Variants in PLCB1 observed in about 807,000 individuals in gnomAD.
The protein encoded by PLCB1 is 1-phosphatidylinositol 4,5-bisphosphate phosphodiesterase beta-1.
A neutral mutation model predicts 161.8 loss-of-function variants in PLCB1; 46 were observed. The ratio of observed to expected loss-of-function variants is 0.28; its 90% CI spans 0.22 to 0.36. The LOEUF (loss-of-function observed/expected upper bound fraction) is 0.36, where lower values mean the gene tolerates loss of function less well. Among genes scored for constraint, PLCB1 ranks in the 10% least tolerant of loss-of-function variants. The pLI, the probability that PLCB1 is intolerant of heterozygous loss-of-function variation, is 1.00. For missense variants in PLCB1, 1,016 were observed against 1,472.5 expected (o/e 0.69, Z 5.07); for synonymous variants, 517 against 503.7 (o/e 1.03, Z -0.35).
chr20:8,757,271 C>A, intron 24 of PLCB1, 93 bp downstream of exon 24: 1 of 1,322,490 alleles, frequency 7.6e-7, no homozygotes, highest in Non-Finnish European at 1.0e-6. Context: ...GTAGCTAAAG[C>A]ATCAAGTGGG....
chr20:8,281,544 G>C (rs531507944), intron 2 of PLCB1, among the ~76,000 whole-genome samples: 1 of 151,770 alleles, frequency 6.6e-6, no homozygotes, highest in Non-Finnish European at 1.5e-5. Context: ...AAAGAACAAC[G>C]ATCTATATAA....
chr20:8,825,289 G>A (rs1985638285), intron 31 of PLCB1, among the ~76,000 whole-genome samples: 1 of 152,202 alleles, frequency 6.6e-6, no homozygotes, highest in African/African-American at 2.4e-5. Flanking sequence ...GGAGCATGGT[G>A]CCAGGAAAAC....
At chr20:8,662,431 A>G (rs1326090501) in intron 9 of PLCB1, among the ~76,000 whole-genome samples, 1 of 120,452 alleles carries the variant, frequency 8.3e-6, no homozygotes, top group Non-Finnish European at 1.6e-5. Flanking sequence ...ATTATTTATT[A>G]TATAATTATG....
intron 3 of PLCB1, among the ~76,000 whole-genome samples, chr20:8,541,609 G>GAAAGA (rs1192850084): frequency 1.2e-3 from 72 of 57,748 alleles, no homozygotes; most frequent in Admixed American, 2.3e-3. Flanking sequence ...AGAAAGAAAG[G>GAAAGA]AAGGAAGATA....
intron 9 of PLCB1, among the ~76,000 whole-genome samples, chr20:8,681,148 C>G (rs2123388851): frequency 7.6e-6 from 1 of 132,362 alleles, no homozygotes; most frequent in African/African-American, 2.8e-5. Context: ...GTCTCATAGC[C>G]TCCTTTGACC....
chr20:8,180,080 G>T (rs967053113), intron 2 of PLCB1, among the ~76,000 whole-genome samples: 1 of 151,662 alleles, frequency 6.6e-6, no homozygotes. Flanking sequence ...GGATGGTCTC[G>T]ATCTCCTGAC....
intron 31 of PLCB1, among the ~76,000 whole-genome samples, chr20:8,879,986 A>T (rs1987914613): frequency 6.6e-6 from 1 of 152,174 alleles, no homozygotes. Context: ...CCACCTTGGC[A>T]TCCCCCAAGA....
chr20:8,611,822 T>C (rs1398988702), intron 3 of PLCB1, among the ~76,000 whole-genome samples: 1 of 152,092 alleles, frequency 6.6e-6, no homozygotes, highest in Non-Finnish European at 1.5e-5. Flanking sequence ...GGTTCATGCC[T>C]GCAGTCCTAG....
At chr20:8,570,662 A>G (rs530646396) in intron 3 of PLCB1, among the ~76,000 whole-genome samples, 1 of 88,584 alleles carries the variant, frequency 1.1e-5, no homozygotes, top group African/African-American at 3.4e-5. Flanking sequence ...CCCAGAAACA[A>G]CAATAAATAA....
intron 31 of PLCB1, chr20:8,802,111 C>A: frequency 6.2e-7 from 1 of 1,607,214 alleles, no homozygotes; most frequent in South Asian, 1.1e-5. Context: ...CCCTCTGTTT[C>A]CCCCAACTTT....
chr20:8,784,133 G>A (rs188000676), intron 27 of PLCB1, among the ~76,000 whole-genome samples: 34 of 152,130 alleles, frequency 2.2e-4, no homozygotes, highest in Non-Finnish European at 4.3e-4. Context: ...TGAGTTGGGC[G>A]GTAGTGGCAT....
intron 6 of PLCB1, among the ~76,000 whole-genome samples, chr20:8,648,222 C>T (rs946809368): frequency 5.3e-5 from 8 of 152,254 alleles, no homozygotes; most frequent in Middle Eastern, 3.4e-3. Context: ...CTACTAAGGC[C>T]GAAAGGCCAT....
chr20:8,748,257 G>A (rs1237831541), intron 23 of PLCB1, among the ~76,000 whole-genome samples: 1 of 152,134 alleles, frequency 6.6e-6, no homozygotes, highest in African/African-American at 2.4e-5. Flanking sequence ...TGGATGCCTT[G>A]GATAAAACTG....
At chr20:8,159,591 T>C (rs1466497417) in intron 2 of PLCB1, among the ~76,000 whole-genome samples, 1 of 152,184 alleles carries the variant, frequency 6.6e-6, no homozygotes, top group Non-Finnish European at 1.5e-5. Flanking sequence ...TATTGCATTG[T>C]CAGGCTGCAA....
At chr20:8,841,803 G>A (rs1986514557) in intron 31 of PLCB1, among the ~76,000 whole-genome samples, 1 of 152,160 alleles carries the variant, frequency 6.6e-6, no homozygotes, top group Admixed American at 6.6e-5. Flanking sequence ...GTTCTCAATG[G>A]ACTCTGAGCG....
chr20:8,203,711 G>A (rs1978367500), intron 2 of PLCB1, among the ~76,000 whole-genome samples: 1 of 152,056 alleles, frequency 6.6e-6, no homozygotes, highest in Admixed American at 6.6e-5. Flanking sequence ...TGAGATGCAG[G>A]GAGAAAACTT....
At chr20:8,622,032 C>G (rs1187525920) in intron 3 of PLCB1, among the ~76,000 whole-genome samples, 1 of 151,960 alleles carries the variant, frequency 6.6e-6, no homozygotes, top group African/African-American at 2.4e-5. Flanking sequence ...CCGAGGCAGG[C>G]GGATCACGAG....
At chr20:8,764,179 AGTAATC>A (rs1249094207) in intron 25 of PLCB1, among the ~76,000 whole-genome samples, 2 of 152,046 alleles carry the variant, frequency 1.3e-5, no homozygotes, top group East Asian at 3.9e-4. Flanking sequence ...AAAAGAAAAT[AGTAATC>A]ATAATCATAA....
At chr20:8,306,609 G>A (rs1414557979) in intron 2 of PLCB1, among the ~76,000 whole-genome samples, 1 of 152,202 alleles carries the variant, frequency 6.6e-6, no homozygotes, top group East Asian at 1.9e-4. Flanking sequence ...TCTGTAATGC[G>A]AATAGCCTAG....
Sources: gnomAD v4.1 joint callset for allele counts (sites outside exome capture counted in the v4.1 genomes callset) on GRCh38, gnomAD v4.1.1 for gene constraint, MANE v1.5 for transcripts, NCBI Gene and HGNC (gene_info 2026-07-23, HGNC 2026-07-21) for gene names.